DNAH1: variants seen among roughly 807,000 people sequenced by gnomAD.
DNAH1 encodes the protein axonemal beta dynein heavy chain 1.
A neutral mutation model predicts 484.3 loss-of-function variants in DNAH1; 327 were observed. That is an observed-to-expected ratio of 0.68 (90% CI 0.62 to 0.74). The LOEUF is 0.74. Ranked by LOEUF, DNAH1 falls within the 30% of genes least tolerant of loss-of-function variation. The probability of loss-of-function intolerance (pLI) is 0.00; values close to 1 mark genes in which losing one functional copy is unlikely to be tolerated. For synonymous variants in DNAH1, 2,192 were observed against 2,191.9 expected (o/e 1.00, Z 0.00); for missense variants, 5,052 against 5,546.8 (o/e 0.91, Z 2.83).
At chr3:52,323,994 G>A in intron 3 of DNAH1, 114 bp downstream of exon 3, 3 of 759,432 alleles carry the variant, frequency 4.0e-6, no homozygotes, top group Middle Eastern at 4.9e-4. Context: ...CTTAACTGTG[G>A]AGCGGGGATA....
Position 52,361,444 on chromosome 3 carries a change from C to G in DNAH1, c.4874+92C>G. The G allele has an allele frequency of 1.4e-6, 2 of 1,419,194 alleles. No individual in the cohort carries two copies. Among genetic ancestry groups the G allele is most frequent in the Non-Finnish European group, 1.9e-6 (2 of 1,061,078 alleles). The allele number at this position is 1,419,194 out of a possible 1,614,324, so 87.9% of individuals were successfully genotyped here. A position where few individuals can be genotyped will look rare whatever the true frequency, so the allele number is the denominator to read the frequency against. ...GGTGAGGGCAGTGCCTGAGAGGGGCCTCGAAGGATGGTGGAGGGGACAGAA... is the reference window on the plus strand; with the variant it reads ...GGTGAGGGCAGTGCCTGAGAGGGGCGTCGAAGGATGGTGGAGGGGACAGAA... On this transcript the variant is annotated intron_variant, in intron 29 of 77. Coordinates refer to ENST00000420323, the MANE Select transcript of DNAH1 (RefSeq NM_015512.5). This position sits in a 1 kb window ranked among gnomAD's most constrained non-coding sequence, Gnocchi z 5.6.
intron 14 of DNAH1, among the ~76,000 whole-genome samples, 190 bp downstream of exon 14, chr3:52,349,610 G>A (rs1184441017): frequency 1.3e-5 from 2 of 152,314 alleles, no homozygotes; most frequent in East Asian, 1.9e-4. Flanking sequence ...GTCCTGTATG[G>A]GAGGTCCCAG....
At chr3:52,342,267 G>A (rs529137849) in intron 8 of DNAH1, among the ~76,000 whole-genome samples, 2 of 152,394 alleles carry the variant, frequency 1.3e-5, no homozygotes, top group East Asian at 3.9e-4. Context: ...GGGCAGAGAC[G>A]CGGCCACAGG....
chr3:52,360,261 C>T, intron 27 of DNAH1, 50 bp from the exon 28 acceptor site: 1 of 1,556,342 alleles, frequency 6.4e-7, no homozygotes, highest in South Asian at 1.1e-5. Flanking sequence ...TATACCCTGC[C>T]CAGTGGCCCA....
intron 44 of DNAH1, chr3:52,373,615 G>T: frequency 6.9e-7 from 1 of 1,452,462 alleles, no homozygotes. Flanking sequence ...TTTAGCGCAA[G>T]CAGTAATAGA....
chr3:52,344,872 A>G (rs1026957242), intron 9 of DNAH1, among the ~76,000 whole-genome samples: 7 of 152,262 alleles, frequency 4.6e-5, no homozygotes, highest in African/African-American at 4.8e-5. Context: ...TAGTGAGAAT[A>G]GCACAGAAGT....
rs1020635159 is a variant in DNAH1 at position 52,358,135 on chromosome 3, C to T, written c.4086+132C>T. ...ACATTCCTGGTCTTTGGAGACACAC[C>T]TGGGGCCTGTGGGAGGAAGGTCAAC... On this transcript the variant is annotated intron_variant, in intron 24 of 77. Transcript: ENST00000420323. The surrounding 1 kb of genome is among the most constrained non-coding windows in gnomAD (Gnocchi z 4.2). The T allele has an allele frequency of 2.6e-6, 2 of 755,862 alleles. No individual in the cohort carries two copies. Among genetic ancestry groups the T allele is most frequent in the Non-Finnish European group, 4.1e-6 (2 of 482,838 alleles). 46.8% of individuals were successfully genotyped at this position (755,862 alleles called of 1,614,324 possible). A position where few individuals can be genotyped will look rare whatever the true frequency, so the allele number is the denominator to read the frequency against.
rs1374489607 is a variant in DNAH1, at chr3:52,370,459, T to C, written c.6259-18T>C. On this transcript the variant is annotated intron_variant, in intron 39 of 77. Coordinates refer to ENST00000420323, the MANE Select transcript of DNAH1 (RefSeq NM_015512.5). ...TACTGTTCCTGTCTCAGCCTGATAC[T>C]GTTCCCTTCATCCCCAGGGCCTCAA... The C allele has an allele frequency of 1.2e-6, 2 of 1,613,980 alleles. No homozygotes were observed. Among genetic ancestry groups the C allele is most frequent in the South Asian group, 1.1e-5 (1 of 91,076 alleles).
chr3:52,373,736 A>G, intron 44 of DNAH1: 1 of 1,386,928 alleles, frequency 7.2e-7, no homozygotes. Flanking sequence ...TTTCTGATCC[A>G]CTAAGTGAAC....
chr3:52,395,774 GC>G lies in DNAH1; in HGVS notation c.11259+99del. ...ATAAGAGAATCATGCCAAGCACTCTGCCCAGCCTCTAGCACGTGGCAAGTGC... is the reference window on the plus strand; with the variant it reads ...ATAAGAGAATCATGCCAAGCACTCTGCCAGCCTCTAGCACGTGGCAAGTGC... On this transcript the variant is annotated intron_variant, in intron 70 of 77. Transcript: ENST00000420323. This position sits in a 1 kb window ranked among gnomAD's most constrained non-coding sequence, Gnocchi z 4.4. 6.6e-7 allele frequency: 1 copy of G among 1,509,254 alleles called. No homozygotes were observed. The highest frequency in any genetic ancestry group is 8.9e-7 in the Non-Finnish European group (1 of 1,117,508). The allele number at this position is 1,509,254 out of a possible 1,614,324, so 93.5% of individuals were successfully genotyped here.
rs757703120 is a variant in DNAH1 at position 52,354,929 on chromosome 3, C to A, written c.3567C>A (p.Ser1189Arg). 1 of 1,614,004 alleles carries A rather than the reference C, an allele frequency of 6.2e-7. No homozygotes were observed. The highest frequency in any genetic ancestry group is 1.1e-5 in the South Asian group (1 of 91,088). ...YKATDTYILK[S>R]PDEASQLLDD... ...CGACAGACACCTACATCCTGAAGAG[C>A]CCGGACGAGGCCTCACAGCTGCTGG... The change falls in exon 21 of 78, where the codon AGC becomes AGA. Residue 1189 changes from serine (S) to arginine (R), a missense_variant. Ser to Arg is a moderately radical substitution (Grantham distance 110). This residue lies in a region of DNAH1 where 2,929 missense variants were observed against 3,409.4 expected (regional missense o/e 0.86). Transcript: ENST00000420323.
At chr3:52,351,889 C>A in intron 16 of DNAH1, 73 bp from the exon 17 acceptor site, 1 of 1,531,828 alleles carries the variant, frequency 6.5e-7, no homozygotes, top group Non-Finnish European at 8.8e-7. Context: ...TGGTGGGATG[C>A]CCCTGCCTGG....
chr3:52,374,744 T>G (rs879002269), intron 44 of DNAH1: 2 of 1,221,178 alleles, frequency 1.6e-6, no homozygotes, highest in East Asian at 2.3e-5. Context: ...ACGCCCTGAA[T>G]CTGTTCATAG....
chr3:52,361,581 T>G lies in DNAH1; in HGVS notation c.4875-80T>G. 1 of 1,446,794 alleles carries G rather than the reference T, an allele frequency of 6.9e-7. No individual in the cohort carries two copies. The highest frequency in any genetic ancestry group is 9.4e-7 in the Non-Finnish European group (1 of 1,061,316). The allele number at this position is 1,446,794 out of a possible 1,614,324, so 89.6% of individuals were successfully genotyped here. On this transcript the variant is annotated intron_variant, in intron 29 of 77. Coordinates refer to ENST00000420323, the MANE Select transcript of DNAH1 (RefSeq NM_015512.5). The surrounding 1 kb of genome is among the most constrained non-coding windows in gnomAD (Gnocchi z 5.6). ...CCTGAGGGCTTCCTCCCAAGTGGAG[T>G]TGGAGGGGGCCCTCAGAGGGAGGTG...
intron 5 of DNAH1, among the ~76,000 whole-genome samples, chr3:52,327,463 G>A (rs1485195450): frequency 6.6e-6 from 1 of 152,108 alleles, no homozygotes; most frequent in African/African-American, 2.4e-5. Context: ...CCTCCTGACA[G>A]CCCCGAATCT....
At chr3:52,318,837 A>G (rs1701044353) in intron 1 of DNAH1, among the ~76,000 whole-genome samples, 2 of 152,242 alleles carry the variant, frequency 1.3e-5, no homozygotes, top group Non-Finnish European at 2.9e-5. Context: ...AAGGGCAGAT[A>G]CTTCCCAAAT....
In DNAH1 at chr3:52,370,727, CT is replaced by C; in HGVS notation, c.6431del (p.Phe2144SerfsTer36). 6.2e-7 allele frequency: 1 copy of C among 1,602,554 alleles called. No individual in the cohort carries two copies. Among genetic ancestry groups the C allele is most frequent in the Non-Finnish European group, 8.5e-7 (1 of 1,174,924 alleles). ...TCCTGGTTCCCGGCAGCTGACTCTGCTTTTCCCAGAAGAGGGGCTGGTGTTC... is the reference window on the plus strand; with the variant it reads ...TCCTGGTTCCCGGCAGCTGACTCTGCTTTCCCAGAAGAGGGGCTGGTGTTC... Reference protein sequence around the residue: ...LKMENEQLTLLFPEEGLVFDY... With the variant: ...LKMENEQLTLXFPEEGLVFDY... On this transcript the variant is annotated frameshift_variant, in exon 41 of 78. Transcript: ENST00000420323. LOFTEE classifies it high-confidence loss of function.
chr3:52,383,511 G>A lies in DNAH1; in HGVS notation c.8067G>A (p.Gln2689=), dbSNP rs1304877336. Residue 2689 remains glutamine, a synonymous_variant, in exon 51 of 78, where the codon CAG becomes CAA. Transcript: ENST00000420323. ...CCATGCGGCCCTATATCCAGGAGCAGGGCCTACAGCCCACCAAGGCCAACC... is the reference window on the plus strand; with the variant it reads ...CCATGCGGCCCTATATCCAGGAGCAAGGCCTACAGCCCACCAAGGCCAACC... ...VSTMRPYIQE[Q]GLQPTKANLM... 1.2e-6 allele frequency: 2 copies of A among 1,613,640 alleles called. No homozygotes were observed. The highest frequency in any genetic ancestry group is 4.5e-5 in the East Asian group (2 of 44,898).
At chr3:52,335,605 G>A (rs1479554741) in intron 8 of DNAH1, among the ~76,000 whole-genome samples, 3 of 151,698 alleles carry the variant, frequency 2.0e-5, no homozygotes, top group Admixed American at 2.0e-4. Flanking sequence ...CACCGCACCC[G>A]GCCCTTTTGC....
Sources: gnomAD v4.1 joint callset for allele counts (sites outside exome capture counted in the v4.1 genomes callset) on GRCh38, gnomAD v4.1.1 for gene constraint, gnomAD v4.1.1 regional missense constraint, Gnocchi (gnomAD v3.1) non-coding constraint, MANE v1.5 for transcripts, NCBI Gene and HGNC (gene_info 2026-07-23, HGNC 2026-07-21) for gene names.